The following CDH18 variants were observed in gnomAD, a reference collection of about 807,000 sequenced individuals.
CDH18 encodes cadherin-18.
Under a neutral mutation model 67.9 loss-of-function variants are expected in CDH18, and 31 were observed. That is an observed-to-expected ratio of 0.46 (90% CI 0.34 to 0.62). CDH18 has a LOEUF of 0.62. Among genes scored for constraint, CDH18 ranks in the 20% least tolerant of loss-of-function variants. The probability of loss-of-function intolerance (pLI) is 0.01; values close to 1 mark genes in which losing one functional copy is unlikely to be tolerated. For synonymous variants in CDH18, 362 were observed against 347.2 expected (o/e 1.04, Z -0.48); for missense variants, 890 against 975.5 (o/e 0.91, Z 1.17).
Position 19,490,394 on chromosome 5 carries a change from GTTTTTTTTTTTT to G in CDH18, c.1631-6854_1631-6843del, listed in dbSNP as rs70950073. Among the ~76,000 whole-genome samples, 16 of 60,212 alleles carry G rather than the reference GTTTTTTTTTTTT, an allele frequency of 2.7e-4. 1 individual carries two copies. The East Asian group carries it at 5.3e-3, about 20-fold the overall frequency. The allele number at this position is 60,212 out of a possible 152,430, so 39.5% of individuals were successfully genotyped here. On this transcript the variant is annotated intron_variant, in intron 11 of 12. Transcript: ENST00000382275. ...TGATATATCACATATATAAAAATCT[GTTTTTTTTTTTT>G]TTTTTTTTTTTTTTTTTTTGAGACA...
intron 3 of CDH18, among the ~76,000 whole-genome samples, chr5:19,770,701 C>G (rs1773637384): frequency 6.6e-6 from 1 of 152,070 alleles, no homozygotes; most frequent in Non-Finnish European, 1.5e-5. Context: ...TATTCCTAGG[C>G]CTTGAGCCCT....
chr5:20,420,902 C>T (rs1747811251), intron 1 of CDH18, among the ~76,000 whole-genome samples: 4 of 151,158 alleles, frequency 2.6e-5, no homozygotes, highest in Admixed American at 2.6e-4. Flanking sequence ...ATAGTTACTG[C>T]TTTTTCACGA....
At chr5:19,661,338 A>AC (rs1466672142) in intron 5 of CDH18, among the ~76,000 whole-genome samples, 4 of 152,006 alleles carry the variant, frequency 2.6e-5, no homozygotes, top group Admixed American at 2.0e-4. Flanking sequence ...GATAGTATTT[A>AC]CCCATCTAAT....
chr5:20,297,761 G>T (rs1747654236), intron 1 of CDH18, among the ~76,000 whole-genome samples: 1 of 152,120 alleles, frequency 6.6e-6, no homozygotes, highest in Non-Finnish European at 1.5e-5. Context: ...TTAAGTTAGG[G>T]GGATAGTGTG....
Position 20,287,859 on chromosome 5 carries a change from T to C in CDH18, c.-579-32354A>G, listed in dbSNP as rs181398463. 9.9e-5 allele frequency among the ~76,000 whole-genome samples: 15 copies of C among 151,864 alleles called. No individual in the cohort carries two copies. In the East Asian group the frequency reaches 2.7e-3, roughly 27 times the overall value. ...ATGCATCACTCATGCCATGGAATAA[T>C]AGAAGAAAAATGGCTTCATTGAAAC... is the stretch of plus-strand genomic sequence containing the variant. On this transcript the variant is annotated intron_variant, in intron 1 of 14. Coordinates refer to the CDH18 transcript ENST00000507958.
chr5:19,538,023 G>A (rs1174980945), intron 9 of CDH18, among the ~76,000 whole-genome samples: 1 of 152,172 alleles, frequency 6.6e-6, no homozygotes, highest in East Asian at 1.9e-4. Flanking sequence ...AGTATTGATA[G>A]GTTTTGGTTA....
chr5:20,050,559 T>G (rs1741330741), intron 2 of CDH18, among the ~76,000 whole-genome samples: 1 of 151,856 alleles, frequency 6.6e-6, no homozygotes, highest in Non-Finnish European at 1.5e-5. Context: ...ATTTATATAC[T>G]TTTATGAGCT....
chr5:19,499,552 A>AT (rs1049597588), intron 11 of CDH18, among the ~76,000 whole-genome samples: 2 of 151,946 alleles, frequency 1.3e-5, no homozygotes, highest in African/African-American at 2.4e-5. Flanking sequence ...TTTGACATGA[A>AT]TTTTCTAATT....
intron 8 of CDH18, among the ~76,000 whole-genome samples, chr5:19,545,515 T>A (rs1043270544): frequency 5.3e-5 from 8 of 152,206 alleles, no homozygotes; most frequent in Non-Finnish European, 1.0e-4. Flanking sequence ...ATAAAAAAAA[T>A]TATTTGTCAA....
At chr5:19,762,945 G>A (rs1189742243) in intron 3 of CDH18, among the ~76,000 whole-genome samples, 1 of 152,194 alleles carries the variant, frequency 6.6e-6, no homozygotes, top group Non-Finnish European at 1.5e-5. Flanking sequence ...CCTGTCCTTT[G>A]TAGGGACATG....
chr5:20,551,359 T>C (rs1757623405), intron 1 of CDH18, among the ~76,000 whole-genome samples: 1 of 152,160 alleles, frequency 6.6e-6, no homozygotes, highest in African/African-American at 2.4e-5. Context: ...CTGACCACGT[T>C]TTTACTTCTT....
intron 2 of CDH18, among the ~76,000 whole-genome samples, chr5:19,857,816 G>C (rs1336441691): frequency 6.6e-6 from 1 of 151,986 alleles, no homozygotes; most frequent in African/African-American, 2.4e-5. Flanking sequence ...TTAGATTAGG[G>C]AAATAAAAAT....
At chr5:19,587,062 T>C (rs1050255725) in intron 7 of CDH18, among the ~76,000 whole-genome samples, 1 of 152,166 alleles carries the variant, frequency 6.6e-6, no homozygotes, top group Non-Finnish European at 1.5e-5. Context: ...TGAGGTTTTT[T>C]TTTTCTTGCA....
At chr5:20,445,831 A>G (rs1156896924) in intron 1 of CDH18, among the ~76,000 whole-genome samples, 2 of 152,122 alleles carry the variant, frequency 1.3e-5, no homozygotes, top group African/African-American at 4.8e-5. Flanking sequence ...GCAGACTAAC[A>G]CCAAAATGCA....
chr5:19,904,518 A>T (rs1790328060), intron 2 of CDH18, among the ~76,000 whole-genome samples: 1 of 152,030 alleles, frequency 6.6e-6, no homozygotes, highest in African/African-American at 2.4e-5. Context: ...ACCTTAGGGA[A>T]ATGTTATTAT....
At chr5:20,516,715 T>C (rs914749966) in intron 1 of CDH18, among the ~76,000 whole-genome samples, 1 of 151,948 alleles carries the variant, frequency 6.6e-6, no homozygotes, top group Non-Finnish European at 1.5e-5. Flanking sequence ...GAGACTGATA[T>C]GGAATGCCTA....
chr5:20,092,371 C>T (rs1367045645), intron 2 of CDH18, among the ~76,000 whole-genome samples: 2 of 152,028 alleles, frequency 1.3e-5, no homozygotes, highest in African/African-American at 4.8e-5. Context: ...GACTAAATGG[C>T]ATCATACTTG....
intron 1 of CDH18, among the ~76,000 whole-genome samples, chr5:20,540,628 G>T (rs1757000941): frequency 6.6e-6 from 1 of 152,162 alleles, no homozygotes. Context: ...CAGTTAAGCT[G>T]AATCTGACAT....
intron 1 of CDH18, among the ~76,000 whole-genome samples, chr5:20,424,838 G>A (rs1051023590): frequency 1.3e-5 from 2 of 149,198 alleles, no homozygotes; most frequent in African/African-American, 2.5e-5. Context: ...AGAGGCAGAG[G>A]GAATTTTCAG....
Sources: gnomAD v4.1 joint callset for allele counts (sites outside exome capture counted in the v4.1 genomes callset) on GRCh38, gnomAD v4.1.1 for gene constraint, MANE v1.5 for transcripts, NCBI Gene and HGNC (gene_info 2026-07-23, HGNC 2026-07-21) for gene names.